The following FARS2 variants were observed in gnomAD, a reference collection of about 807,000 sequenced individuals.
FARS2 encodes the protein phenylalanyl-tRNA synthetase 2, mitochondrial.
In FARS2, 40 loss-of-function variants were observed where a neutral mutation model predicts 46.4. The ratio of observed to expected loss-of-function variants is 0.86; its 90% CI spans 0.67 to 1.12. FARS2 has a LOEUF of 1.12. Among genes scored for constraint, FARS2 ranks in the 50% most tolerant of loss-of-function variants. The pLI is 0.00. For synonymous variants in FARS2, 234 were observed against 214.9 expected, an observed-to-expected ratio of 1.09 and a Z score of -0.78; for missense variants, 513 against 567.9, an observed-to-expected ratio of 0.90 and a Z score of 0.98.
chr6:5,361,113 G>A (rs1758269339), intron 1 of FARS2, among the ~76,000 whole-genome samples: 1 of 152,104 alleles, frequency 6.6e-6, no homozygotes, highest in African/African-American at 2.4e-5. Flanking sequence ...TTCTTCTCAT[G>A]GTTTCTAAAT....
chr6:5,614,368 G>C (rs1341233379), intron 6 of FARS2, among the ~76,000 whole-genome samples: 2 of 150,530 alleles, frequency 1.3e-5, no homozygotes, highest in Admixed American at 6.6e-5. Flanking sequence ...TGGCTCCCAC[G>C]TTATATCCTG....
chr6:5,622,052 A>G (rs1473865529), intron 6 of FARS2, among the ~76,000 whole-genome samples: 5 of 152,252 alleles, frequency 3.3e-5, no homozygotes, highest in African/African-American at 7.2e-5. Flanking sequence ...GCTAAACACC[A>G]TCATGCCTTT....
At chr6:5,747,804 C>A (rs1241302574) in intron 6 of FARS2, among the ~76,000 whole-genome samples, 1 of 152,214 alleles carries the variant, frequency 6.6e-6, no homozygotes, top group Admixed American at 6.5e-5. Flanking sequence ...GCTAAATAAT[C>A]TTTTCCTATT....
At chr6:5,627,253 C>T (rs1354896759) in intron 6 of FARS2, among the ~76,000 whole-genome samples, 2 of 152,158 alleles carry the variant, frequency 1.3e-5, no homozygotes, top group Non-Finnish European at 2.9e-5. Flanking sequence ...TTATACTTCT[C>T]GGGAATGAAG....
chr6:5,302,689 G>A (rs58857565), intron 1 of FARS2, among the ~76,000 whole-genome samples: 3,792 of 152,248 alleles, frequency 0.025, 169 homozygotes, highest in African/African-American at 0.086. Context: ...GTGTGGCTTC[G>A]GTACCAAGGT....
At chr6:5,273,285 A>C (rs1350388491) in intron 1 of FARS2, among the ~76,000 whole-genome samples, 1 of 152,228 alleles carries the variant, frequency 6.6e-6, no homozygotes, top group Non-Finnish European at 1.5e-5. Context: ...TATTTCCACC[A>C]ACAGTTTACA....
chr6:5,473,884 C>T (rs542632314), intron 4 of FARS2, among the ~76,000 whole-genome samples: 9 of 152,184 alleles, frequency 5.9e-5, no homozygotes, highest in Admixed American at 1.3e-4. Flanking sequence ...ACAGAATGGA[C>T]GCCGCCCTGC....
At chr6:5,358,619 A>C (rs1758089902) in intron 1 of FARS2, among the ~76,000 whole-genome samples, 1 of 152,174 alleles carries the variant, frequency 6.6e-6, no homozygotes, top group Non-Finnish European at 1.5e-5. Flanking sequence ...ACTTAATTTT[A>C]ACTGAATATA....
At position 5,379,637 on chromosome 6, in the gene FARS2, C is replaced by T. The variant is rs535796940; in HGVS notation, c.612+10455C>T. ...TTGATATCCACGCTCTGGAATGTAC[C>T]GAAATCTGCTTTCTTGGGTGTGGGG... is the stretch of plus-strand genomic sequence containing the variant. On this transcript the variant is annotated intron_variant, in intron 2 of 6. Coordinates refer to ENST00000274680, the MANE Select transcript of FARS2 (RefSeq NM_006567.5). 5.9e-5 allele frequency among the ~76,000 whole-genome samples: 9 copies of T among 152,228 alleles called. No individual in the cohort carries two copies. The South Asian group carries it at 1.9e-3, about 32-fold the overall frequency.
At chr6:5,561,332 T>C (rs1237452900) in intron 5 of FARS2, among the ~76,000 whole-genome samples, 2 of 152,090 alleles carry the variant, frequency 1.3e-5, no homozygotes, top group African/African-American at 4.8e-5. Context: ...ATGAAGTATA[T>C]TGTTTGAGTA....
rs1160604879 is a variant in FARS2 at position 5,369,167 on chromosome 6, C to T, written c.597C>T (p.Leu199=). Residue 199 remains leucine, a synonymous_variant, in exon 2 of 7, where the codon CTC becomes CTT. Transcript: ENST00000274680. ...TCCACCAGCTGGAGGCCGTGCGGCTCTTCTCCAAGCATGAGGTGAGTCTTG... is the reference window on the plus strand; with the variant it reads ...TCCACCAGCTGGAGGCCGTGCGGCTTTTCTCCAAGCATGAGGTGAGTCTTG... ...PIFHQLEAVR[L]FSKHELFAGI... is the part of the protein sequence containing the mutation. The T allele has an allele frequency of 4.4e-6, 7 of 1,607,002 alleles. No homozygotes were observed. The highest frequency in any genetic ancestry group is 5.9e-6 in the Non-Finnish European group (7 of 1,179,854).
rs144026905 is a variant in FARS2, at chr6:5,596,166, T to C, written c.1066-17003T>C. The stretch of plus-strand genomic sequence containing the variant: ...GATAGGAGAGGTGCCGCCACCGTTA[T>C]ACATTCAGCATATTCAGGGAGGCCG... On this transcript the variant is annotated intron_variant, in intron 5 of 6. Transcript: ENST00000274680. Among the ~76,000 whole-genome samples, 1,120 of 152,318 alleles carry C rather than the reference T, an allele frequency of 7.4e-3. 5 individuals are homozygous for C. The highest frequency in any genetic ancestry group is 0.011 in the Admixed American group (162 of 15,304).
At chr6:5,512,127 C>T (rs898995963) in intron 4 of FARS2, among the ~76,000 whole-genome samples, 4 of 152,188 alleles carry the variant, frequency 2.6e-5, no homozygotes, top group Admixed American at 6.5e-5. Context: ...TTAGTCAGCA[C>T]TCTTTTAGTT....
chr6:5,489,654 C>G (rs754560055), intron 4 of FARS2, among the ~76,000 whole-genome samples: 4 of 152,108 alleles, frequency 2.6e-5, no homozygotes, highest in Non-Finnish European at 4.4e-5. Flanking sequence ...TACTTCAGTT[C>G]TGGGCTTTAT....
chr6:5,697,001 TCTTCAGC>T (rs1324568800), intron 6 of FARS2, among the ~76,000 whole-genome samples: 2 of 152,220 alleles, frequency 1.3e-5, no homozygotes, highest in South Asian at 2.1e-4. Context: ...CTAGGTGAGT[TCTTCAGC>T]CTAGCAGAAA....
chr6:5,606,273 G>T (rs976668341), intron 5 of FARS2, among the ~76,000 whole-genome samples: 1 of 152,014 alleles, frequency 6.6e-6, no homozygotes, highest in African/African-American at 2.4e-5. Context: ...AAGCTACACC[G>T]CTTCCAAACT....
intron 5 of FARS2, among the ~76,000 whole-genome samples, chr6:5,589,776 C>T (rs1221135748): frequency 6.6e-6 from 1 of 152,140 alleles, no homozygotes; most frequent in Non-Finnish European, 1.5e-5. Context: ...AAATCATTTC[C>T]AAGTAGATAT....
chr6:5,442,148 T>G (rs1405692510), intron 4 of FARS2, among the ~76,000 whole-genome samples: 3 of 152,132 alleles, frequency 2.0e-5, no homozygotes, highest in Non-Finnish European at 4.4e-5. Context: ...ATATTGTGGT[T>G]TTTATTTGAA....
chr6:5,589,230 A>T (rs553472308), intron 5 of FARS2, among the ~76,000 whole-genome samples: 1 of 152,228 alleles, frequency 6.6e-6, no homozygotes, highest in East Asian at 1.9e-4. Context: ...CTGCTTCCTA[A>T]CTTAACCCTG....
Sources: gnomAD v4.1 joint callset for allele counts (sites outside exome capture counted in the v4.1 genomes callset) on GRCh38, gnomAD v4.1.1 for gene constraint, MANE v1.5 for transcripts, NCBI Gene and HGNC (gene_info 2026-07-23, HGNC 2026-07-21) for gene names.